The following NOX4 variants were observed in gnomAD, a reference collection of about 807,000 sequenced individuals.
The protein encoded by NOX4 is NADPH oxidase 4, also known as kidney oxidase-1.
NOX4 carries 69 observed loss-of-function variants against 87.6 expected under a neutral mutation model. The observed-to-expected ratio is 0.79, with a 90% confidence interval of 0.65 to 0.96. NOX4 has a LOEUF of 0.96. NOX4 is among the 40% of genes least tolerant of loss of function. The pLI is 0.00. For synonymous variants in NOX4, 275 were observed against 238.2 expected (o/e 1.15, Z -1.42); for missense variants, 680 against 681.5 (o/e 1.00, Z 0.02).
the NOX4 span, among the ~76,000 whole-genome samples, chr11:89,543,938 G>A: frequency 1.3e-5 from 2 of 152,046 alleles, no homozygotes; most frequent in South Asian, 2.1e-4. Context: ...GTATATTGCT[G>A]GGGAGTAAAA....
At chr11:89,471,212 G>A (rs1198843255) in intron 2 of NOX4, among the ~76,000 whole-genome samples, 3 of 151,946 alleles carry the variant, frequency 2.0e-5, no homozygotes, top group South Asian at 2.1e-4. Context: ...AATGGTTTAC[G>A]TATTTATCTC....
At chr11:89,503,310 G>C in the NOX4 span, among the ~76,000 whole-genome samples, 1 of 151,868 alleles carries the variant, frequency 6.6e-6, no homozygotes, top group African/African-American at 2.4e-5. Flanking sequence ...CAACAAAAGA[G>C]TCCAATTCTA....
Position 89,400,367 on chromosome 11 carries a change from T to C in NOX4, c.859A>G (p.Ile287Val), listed in dbSNP as rs751467076. The C allele has an allele frequency of 8.9e-6, 14 of 1,577,802 alleles. No homozygotes were observed. Among genetic ancestry groups the C allele is most frequent in the Non-Finnish European group, 1.2e-5 (14 of 1,164,838 alleles). Residue 287 changes from isoleucine (I) to valine (V), a missense_variant, in exon 10 of 18, where the codon ATT (isoleucine) becomes GTT (valine). Coordinates refer to ENST00000263317, the MANE Select transcript of NOX4 (RefSeq NM_016931.5). ...QANFPQTWLW[I>V]SGPLCLYCAE... ...CAGTACAGGCACAAAGGTCCAGAAA[T>C]CCAAAGCCAAGTCTAAGACAAATTT...
In NOX4 at chr11:89,348,378, G is replaced by A. The variant is rs555709336; in HGVS notation, c.1218-6185C>T. Among the ~76,000 whole-genome samples, 6 of 151,616 alleles carry A rather than the reference G, an allele frequency of 4.0e-5. No homozygotes were observed. In the South Asian group the frequency reaches 1.2e-3, roughly 32 times the overall value. ...TGCAGTGAGCAGAGATTGTACCATT[G>A]CACTCCAACCTGGGTAACAGAGTAA... is the stretch of plus-strand genomic sequence containing the variant. On this transcript the variant is annotated intron_variant, in intron 13 of 17. Transcript: ENST00000263317.
At chr11:89,525,356 G>A in the NOX4 span, among the ~76,000 whole-genome samples, 2 of 151,910 alleles carry the variant, frequency 1.3e-5, 1 homozygote, top group South Asian at 4.2e-4. Context: ...AAGAGTTCCA[G>A]TTGTTCTATC....
intron 11 of NOX4, among the ~76,000 whole-genome samples, chr11:89,387,499 A>T (rs1420356949): frequency 6.6e-6 from 1 of 152,136 alleles, no homozygotes; most frequent in African/African-American, 2.4e-5. Context: ...CAGGTGATTA[A>T]AAAGCTTTAT....
chr11:89,552,810 G>C, the NOX4 span, among the ~76,000 whole-genome samples: 1 of 145,210 alleles, frequency 6.9e-6, no homozygotes, highest in East Asian at 2.0e-4. Flanking sequence ...GAGACTGTAG[G>C]ACAAACTTTA....
At chr11:89,520,079 A>C in the NOX4 span, among the ~76,000 whole-genome samples, 1 of 151,996 alleles carries the variant, frequency 6.6e-6, no homozygotes, top group East Asian at 1.9e-4. Context: ...CATTATGATC[A>C]GGGAGCAAAC....
chr11:89,426,090 C>A (rs1943386252), intron 7 of NOX4, among the ~76,000 whole-genome samples: 1 of 152,124 alleles, frequency 6.6e-6, no homozygotes, highest in South Asian at 2.1e-4. Context: ...TGCTCAAAAT[C>A]TCTTAACTAT....
intron 2 of NOX4, among the ~76,000 whole-genome samples, chr11:89,467,894 T>C (rs746233484): frequency 2.6e-5 from 4 of 152,194 alleles, no homozygotes; most frequent in Non-Finnish European, 5.9e-5. Flanking sequence ...TTACATTACT[T>C]TGTATAGTTA....
intron 17 of NOX4, among the ~76,000 whole-genome samples, 185 bp downstream of exon 17, chr11:89,335,660 T>C (rs1451767288): frequency 6.6e-6 from 1 of 151,886 alleles, no homozygotes; most frequent in Non-Finnish European, 1.5e-5. Context: ...ACTTTAATTA[T>C]TTGGAATTAC....
At chr11:89,332,925 C>G (rs1276100712) in intron 17 of NOX4, among the ~76,000 whole-genome samples, 4 of 151,670 alleles carry the variant, frequency 2.6e-5, no homozygotes, top group Admixed American at 6.6e-5. Flanking sequence ...TTAAAAAAAG[C>G]AACAAAAGAA....
At position 89,427,314 on chromosome 11, in the gene NOX4, G is replaced by A. The variant is rs190903193; in HGVS notation, c.549-5332C>T. The stretch of plus-strand genomic sequence containing the variant: ...AGCTGAAAATTCTAAAAATCAGAGC[G>A]CCTCTCCCCCTCCAAAGGAACGCAG... On this transcript the variant is annotated intron_variant, in intron 7 of 17. Coordinates refer to ENST00000263317, the MANE Select transcript of NOX4 (RefSeq NM_016931.5). Among the ~76,000 whole-genome samples the A allele has an allele frequency of 1.4e-4, 22 of 152,194 alleles. No individual in the cohort carries two copies. In the East Asian group the frequency reaches 2.1e-3, roughly 15 times the overall value.
the NOX4 span, among the ~76,000 whole-genome samples, chr11:89,513,540 T>C: frequency 1.3e-5 from 2 of 152,010 alleles, no homozygotes; most frequent in East Asian, 1.9e-4. Context: ...AAAATAATCT[T>C]TGCAATACAA....
chr11:89,412,149 G>A (rs1942514545), intron 8 of NOX4, among the ~76,000 whole-genome samples: 2 of 152,162 alleles, frequency 1.3e-5, no homozygotes, highest in South Asian at 4.1e-4. Context: ...ACCCAAAACT[G>A]CAGCACACAA....
chr11:89,535,244 C>A, the NOX4 span, among the ~76,000 whole-genome samples: 1 of 152,186 alleles, frequency 6.6e-6, no homozygotes, highest in African/African-American at 2.4e-5. Flanking sequence ...GTGTTACAGA[C>A]ATATTTGTGA....
chr11:89,376,712 C>G (rs1282451579), intron 11 of NOX4, among the ~76,000 whole-genome samples: 1 of 152,040 alleles, frequency 6.6e-6, no homozygotes, highest in African/African-American at 2.4e-5. Flanking sequence ...GAAACCCTGT[C>G]TCTACTAAAA....
At chr11:89,490,386 T>G (rs1946801824) in intron 2 of NOX4, 72 bp downstream of exon 2, 2 of 1,042,472 alleles carry the variant, frequency 1.9e-6, no homozygotes, top group South Asian at 2.6e-5. Flanking sequence ...TGAATGGAAC[T>G]GACCAAACCT....
chr11:89,449,714 G>A (rs1181233068), intron 3 of NOX4, among the ~76,000 whole-genome samples, 190 bp from the exon 4 acceptor site: 1 of 151,688 alleles, frequency 6.6e-6, no homozygotes, highest in Non-Finnish European at 1.5e-5. Flanking sequence ...TATGTGAGAA[G>A]TCCATATTAT....
Sources: allele counts gnomAD v4.1 joint callset (sites outside exome capture counted in the v4.1 genomes callset), GRCh38; gene constraint gnomAD v4.1.1; transcripts MANE v1.5; gene names NCBI Gene and HGNC (gene_info 2026-07-23, HGNC 2026-07-21).